DIAPH2: variants seen among roughly 807,000 people sequenced by gnomAD.
DIAPH2 encodes the protein protein diaphanous homolog 2.
In DIAPH2, 35 loss-of-function variants were observed where a neutral mutation model predicts 92.7. The ratio of observed to expected loss-of-function variants is 0.38; its 90% CI spans 0.29 to 0.50. The LOEUF is 0.50. Among genes scored for constraint, DIAPH2 ranks in the 20% least tolerant of loss-of-function variants. The probability of loss-of-function intolerance (pLI) is 0.94; values close to 1 mark genes in which losing one functional copy is unlikely to be tolerated. For missense variants in DIAPH2, 701 were observed against 819.5 expected (o/e 0.86, Z 1.77); for synonymous variants, 301 against 280.4 (o/e 1.07, Z -0.73).
At chrX:96,798,587 A>G (rs938076138) in intron 4 of DIAPH2, among the ~76,000 whole-genome samples, 9 of 111,118 alleles carry the variant, frequency 8.1e-5, no homozygotes, top group Non-Finnish European at 1.5e-4. Flanking sequence ...GTCTAGATTT[A>G]TTTCCAGTAA....
rs1178228928 is a variant in DIAPH2, at chrX:97,601,311, C to CTGA, written c.*1996_*1998dup. On this transcript the variant is annotated 3_prime_UTR_variant, in exon 27 of 27. Transcript: ENST00000324765. ...TATCAAGCTGGTCAAGGTAGAAATA[C>CTGA]TGATATGTATCATCACCTTTTCCAG... is the stretch of plus-strand genomic sequence containing the variant. 2 of 111,734 alleles carry CTGA rather than the reference C, an allele frequency of 1.8e-5. No individual in the cohort carries two copies. The highest frequency in any genetic ancestry group is 3.3e-5 in the African/African-American group (1 of 30,686). 9.2% of individuals were successfully genotyped at this position (111,734 alleles called of 1,213,427 possible). A position where few individuals can be genotyped will look rare whatever the true frequency, so the allele number is the denominator to read the frequency against.
chrX:97,319,281 A>T (rs1013337165), intron 23 of DIAPH2, among the ~76,000 whole-genome samples: 14 of 112,598 alleles, frequency 1.2e-4, no homozygotes, highest in Non-Finnish European at 2.1e-4. Flanking sequence ...TATAGAAGTT[A>T]TAAGGTAATA....
intron 23 of DIAPH2, among the ~76,000 whole-genome samples, chrX:97,314,601 G>C (rs1464295984): frequency 1.8e-5 from 2 of 111,960 alleles, no homozygotes; most frequent in Admixed American, 1.9e-4. Flanking sequence ...AAAGATAAGA[G>C]TCTATACCTT....
At chrX:97,089,169 A>G (rs2066805043) in intron 19 of DIAPH2, among the ~76,000 whole-genome samples, 1 of 112,463 alleles carries the variant, frequency 8.9e-6, no homozygotes, top group Admixed American at 9.4e-5. Flanking sequence ...TTGAAGTATT[A>G]CAAAGACAAC....
At chrX:97,259,316 G>T (rs1286699348) in intron 23 of DIAPH2, among the ~76,000 whole-genome samples, 1 of 110,636 alleles carries the variant, frequency 9.0e-6, no homozygotes, top group Non-Finnish European at 1.9e-5. Flanking sequence ...GACAGCATGG[G>T]ACTCCGTCTC....
chrX:97,351,528 C>T (rs751713641), intron 24 of DIAPH2, among the ~76,000 whole-genome samples: 1 of 112,223 alleles, frequency 8.9e-6, no homozygotes, highest in Non-Finnish European at 1.9e-5. Flanking sequence ...GAAAAAGTGA[C>T]ATTAGGGCCC....
At chrX:96,863,241 CTTTTT>C (rs72109103) in intron 4 of DIAPH2, among the ~76,000 whole-genome samples, 1 of 86,100 alleles carries the variant, frequency 1.2e-5, no homozygotes, top group Admixed American at 1.3e-4. Flanking sequence ...CTCATTATTC[CTTTTT>C]TTTTTTTTTT....
intron 23 of DIAPH2, among the ~76,000 whole-genome samples, chrX:97,344,060 G>A (rs543491690): frequency 2.7e-5 from 3 of 111,894 alleles, no homozygotes; most frequent in African/African-American, 9.7e-5. Context: ...ATAATGGAAG[G>A]AAAGGTATAT....
chrX:96,983,707 T>C (rs748422739), intron 17 of DIAPH2, among the ~76,000 whole-genome samples: 1 of 111,905 alleles, frequency 8.9e-6, no homozygotes, highest in South Asian at 3.7e-4. Context: ...GAATTACTTG[T>C]ACAAAGTCTT....
intron 24 of DIAPH2, among the ~76,000 whole-genome samples, chrX:97,363,635 C>T (rs1418540067): frequency 1.0e-5 from 1 of 95,282 alleles, no homozygotes; most frequent in Non-Finnish European, 2.1e-5. Flanking sequence ...CACTGCACTC[C>T]AGCCTGGGTG....
At chrX:97,549,467 A>G (rs1481608803) in intron 26 of DIAPH2, among the ~76,000 whole-genome samples, 3 of 111,698 alleles carry the variant, frequency 2.7e-5, no homozygotes, top group African/African-American at 9.8e-5. Context: ...TCTTTTTTCT[A>G]GAAACACATA....
chrX:96,911,743 ATAGT>A lies in DIAPH2; in HGVS notation c.588-578_588-575del, dbSNP rs781751597. ...TCAAAGCAATTATTACATTTATTAT[ATAGT>A]TAGTTATTTGTTCACTGTCTCCCTA... On this transcript the variant is annotated intron_variant, in intron 5 of 26. Transcript: ENST00000324765. Among the ~76,000 whole-genome samples, 3 of 111,447 alleles carry A rather than the reference ATAGT, an allele frequency of 2.7e-5. No homozygotes were observed. The South Asian group carries it at 1.1e-3, about 42-fold the overall frequency.
intron 22 of DIAPH2, among the ~76,000 whole-genome samples, chrX:97,182,465 G>A (rs976251671): frequency 1.6e-4 from 18 of 111,137 alleles, no homozygotes; most frequent in African/African-American, 5.9e-4. Flanking sequence ...TTATCAAGAG[G>A]TTGTTTTGTG....
At chrX:96,991,435 A>G (rs1447073915) in intron 17 of DIAPH2, among the ~76,000 whole-genome samples, 1 of 109,678 alleles carries the variant, frequency 9.1e-6, no homozygotes, top group African/African-American at 3.3e-5. Flanking sequence ...CCCATTTTAT[A>G]CCTGAGGAAA....
chrX:97,122,271 T>C (rs2067063755), intron 21 of DIAPH2, among the ~76,000 whole-genome samples: 3 of 111,699 alleles, frequency 2.7e-5, no homozygotes, highest in African/African-American at 9.7e-5. Context: ...AAGTTTCTCA[T>C]CTTGTAATAG....
chrX:96,819,030 T>A (rs773116155), intron 4 of DIAPH2, among the ~76,000 whole-genome samples: 1 of 112,487 alleles, frequency 8.9e-6, no homozygotes, highest in East Asian at 2.8e-4. Context: ...CCTATGAGAA[T>A]CTAATGCTGG....
At chrX:97,469,965 G>A in intron 26 of DIAPH2, 1 of 491,419 alleles carries the variant, frequency 2.0e-6, no homozygotes. Context: ...TATAGACTTG[G>A]GAAGAAAACA....
At chrX:97,103,740 C>T (rs1384871722) in intron 20 of DIAPH2, among the ~76,000 whole-genome samples, 1 of 111,863 alleles carries the variant, frequency 8.9e-6, no homozygotes. Flanking sequence ...CTTAAAATAC[C>T]AGTGCTGTTC....
chrX:97,289,370 G>A lies in DIAPH2; in HGVS notation c.2844+41531G>A, dbSNP rs753480186. 8.0e-5 allele frequency among the ~76,000 whole-genome samples: 9 copies of A among 111,931 alleles called. No individual in the cohort carries two copies. The South Asian group carries it at 3.0e-3, about 37-fold the overall frequency. On this transcript the variant is annotated intron_variant, in intron 23 of 26. Coordinates refer to ENST00000324765, the MANE Select transcript of DIAPH2 (RefSeq NM_006729.5). ...TTCTATTAGATTTGCTTTAAATGGT[G>A]TCATGTTTATGTCTTCATTTACATT...
Sources: allele counts gnomAD v4.1 joint callset (sites outside exome capture counted in the v4.1 genomes callset), GRCh38; gene constraint gnomAD v4.1.1; transcripts MANE v1.5; gene names NCBI Gene and HGNC (gene_info 2026-07-23, HGNC 2026-07-21).